The following PSMA6 variants were observed in gnomAD, a reference collection of about 807,000 sequenced individuals.
PSMA6 encodes the protein proteasome subunit alpha type-6.
For synonymous variants in PSMA6, 88 were observed against 97.7 expected (o/e 0.90, Z 0.59); for missense variants, 170 against 294.8 (o/e 0.58, Z 3.10).
intron 6 of PSMA6, 153 bp downstream of exon 6, chr14:35,314,608 T>G: frequency 9.4e-7 from 1 of 1,062,782 alleles, no homozygotes; most frequent in Non-Finnish European, 1.2e-6. Context: ...GAGATCTGTT[T>G]TTAAAACTTT....
At chr14:35,283,311 G>A (rs1220267464) in intron 1 of PSMA6, among the ~76,000 whole-genome samples, 1 of 148,662 alleles carries the variant, frequency 6.7e-6, no homozygotes, top group Non-Finnish European at 1.5e-5. Context: ...AGAATCTTTT[G>A]AGCCCAGGAG....
intron 1 of PSMA6, among the ~76,000 whole-genome samples, chr14:35,300,893 C>T (rs991199221): frequency 2.0e-5 from 3 of 152,104 alleles, no homozygotes; most frequent in Non-Finnish European, 4.4e-5. Flanking sequence ...GAAATAAGGA[C>T]TGTAAGAAAA....
At chr14:35,280,729 T>C (rs2051357925) in intron 1 of PSMA6, among the ~76,000 whole-genome samples, 1 of 152,010 alleles carries the variant, frequency 6.6e-6, no homozygotes, top group Non-Finnish European at 1.5e-5. Context: ...TTGTTGTTGT[T>C]TGTTTTCGAA....
chr14:35,302,751 A>G (rs1246901669), intron 1 of PSMA6, among the ~76,000 whole-genome samples: 1 of 151,962 alleles, frequency 6.6e-6, no homozygotes, highest in Non-Finnish European at 1.5e-5. Context: ...ATACATTTTC[A>G]TATTCACTCA....
At chr14:35,278,595 C>T, upstream of PSMA6, 4 of 1,239,674 alleles carry the variant, frequency 3.2e-6, no homozygotes, top group Non-Finnish European at 4.5e-6. Context: ...GTGGAATTCC[C>T]TGACGATTCC....
At chr14:35,287,909 C>G (rs187338741), upstream of PSMA6, among the ~76,000 whole-genome samples, 1 of 124,628 alleles carries the variant, frequency 8.0e-6, no homozygotes, top group African/African-American at 3.2e-5. Context: ...TTCACGAAGT[C>G]GGCTTCCAGG....
At chr14:35,317,093 AGT>A (rs2052057617) in intron 6 of PSMA6, 154 bp from the exon 7 acceptor site, 3 of 556,740 alleles carry the variant, frequency 5.4e-6, no homozygotes, top group Non-Finnish European at 9.7e-6. Context: ...AGGGAAGATA[AGT>A]GTGTGTATAG....
Position 35,292,442 on chromosome 14 carries a change from C to T in PSMA6, c.-35C>T. 6.2e-6 allele frequency: 10 copies of T among 1,600,302 alleles called. No individual in the cohort carries two copies. The highest frequency in any genetic ancestry group is 1.1e-5 in the South Asian group (1 of 89,758). On this transcript the variant is annotated 5_prime_UTR_variant, in exon 1 of 7. Coordinates refer to ENST00000261479, the MANE Select transcript of PSMA6 (RefSeq NM_002791.3). Reference sequence around the variant, plus strand: ...GTGCCTGGTGCGGGAGCTACGGGGCCCAGGGATTGTGTTTAAAGTAGTGCT... The same window carrying T: ...GTGCCTGGTGCGGGAGCTACGGGGCTCAGGGATTGTGTTTAAAGTAGTGCT...
intron 1 of PSMA6, among the ~76,000 whole-genome samples, chr14:35,280,467 C>T (rs1302901398): frequency 6.6e-6 from 1 of 151,624 alleles, no homozygotes; most frequent in Non-Finnish European, 1.5e-5. Context: ...CTGCAACCTC[C>T]ACCTCCCGGA....
chr14:35,292,295 G>A, upstream of PSMA6: 5 of 1,420,022 alleles, frequency 3.5e-6, no homozygotes, highest in Admixed American at 3.1e-5. Flanking sequence ...CCCCCTTAGG[G>A]GGCGGGGCCT....
At chr14:35,297,429 A>G (rs2051619235) in intron 1 of PSMA6, among the ~76,000 whole-genome samples, 1 of 151,820 alleles carries the variant, frequency 6.6e-6, no homozygotes, top group African/African-American at 2.4e-5. Flanking sequence ...GTTAGCCAGG[A>G]TGGTCTCAGT....
At chr14:35,286,199 A>G (rs925043327) in intron 1 of PSMA6, among the ~76,000 whole-genome samples, 7 of 152,246 alleles carry the variant, frequency 4.6e-5, no homozygotes, top group African/African-American at 1.2e-4. Context: ...CTCAGATTCA[A>G]ACCCAGTGCT....
In PSMA6 at chr14:35,292,749, T is replaced by G. The variant is rs2051510443; in HGVS notation, c.76+197T>G. The G allele has an allele frequency of 2.6e-5, 28 of 1,078,846 alleles. 1 individual carries two copies. The South Asian group carries it at 4.6e-4, about 18-fold the overall frequency. The allele number at this position is 1,078,846 out of a possible 1,614,324, so 66.8% of individuals were successfully genotyped here. A position where few individuals can be genotyped will look rare whatever the true frequency, so the allele number is the denominator to read the frequency against. ...CGCAGGGATCGGGGGCCTGAAGGCC[T>G]GTCTCTGCAGGGCGAGCGGCCACAC... On this transcript the variant is annotated intron_variant, in intron 1 of 6. Coordinates refer to ENST00000261479, the MANE Select transcript of PSMA6 (RefSeq NM_002791.3).
intron 1 of PSMA6, among the ~76,000 whole-genome samples, chr14:35,294,078 C>G (rs957015758): frequency 6.6e-6 from 1 of 152,232 alleles, no homozygotes; most frequent in Admixed American, 6.5e-5. Flanking sequence ...GAGCTTCACT[C>G]TTGTTGCCTA....
intron 1 of PSMA6, among the ~76,000 whole-genome samples, chr14:35,296,292 A>G (rs749291062): frequency 3.3e-5 from 5 of 152,028 alleles, no homozygotes; most frequent in Non-Finnish European, 7.4e-5. Flanking sequence ...TGCCCGGTAT[A>G]TATAGTAAGC....
chr14:35,280,267 C>A (rs1004918356), intron 1 of PSMA6, among the ~76,000 whole-genome samples: 2 of 152,172 alleles, frequency 1.3e-5, no homozygotes, highest in Admixed American at 1.3e-4. Context: ...TGGCAAAACC[C>A]TGTCTCTACT....
At chr14:35,304,917 A>C (rs934944112) in intron 1 of PSMA6, among the ~76,000 whole-genome samples, 6 of 151,992 alleles carry the variant, frequency 3.9e-5, no homozygotes, top group Non-Finnish European at 5.9e-5. Flanking sequence ...CCCCATCTCT[A>C]AAAAATTGTT....
At chr14:35,295,624 G>T (rs2051571173) in intron 1 of PSMA6, among the ~76,000 whole-genome samples, 1 of 151,710 alleles carries the variant, frequency 6.6e-6, no homozygotes, top group African/African-American at 2.4e-5. Context: ...GGCTAATTTT[G>T]CAGTTTTAAT....
At chr14:35,307,726 T>C (rs990091778) in intron 1 of PSMA6, among the ~76,000 whole-genome samples, 1 of 135,046 alleles carries the variant, frequency 7.4e-6, no homozygotes, top group African/African-American at 2.5e-5. Context: ...AGAGCGAGAC[T>C]CTGTTTAAAA....
Sources: allele counts gnomAD v4.1 joint callset (sites outside exome capture counted in the v4.1 genomes callset), GRCh38; gene constraint gnomAD v4.1.1; transcripts MANE v1.5; gene names NCBI Gene and HGNC (gene_info 2026-07-23, HGNC 2026-07-21).